Variants in CLEC16A observed in about 807,000 individuals in gnomAD.
The protein encoded by CLEC16A is protein CLEC16A.
Under a neutral mutation model 109.5 loss-of-function variants are expected in CLEC16A, and 51 were observed. The observed-to-expected ratio is 0.47, with a 90% confidence interval of 0.37 to 0.59. The LOEUF (loss-of-function observed/expected upper bound fraction) is 0.59, where lower values mean the gene tolerates loss of function less well. Ranked by LOEUF, CLEC16A falls within the 20% of genes least tolerant of loss-of-function variation. The pLI is 0.00. For synonymous variants in CLEC16A, 673 were observed against 564.2 expected (o/e 1.19, Z -2.73); for missense variants, 1,339 against 1,394.0 (o/e 0.96, Z 0.63).
At chr16:10,984,729 C>T (rs2043524066) in intron 10 of CLEC16A, among the ~76,000 whole-genome samples, 1 of 152,234 alleles carries the variant, frequency 6.6e-6, no homozygotes, top group Admixed American at 6.5e-5. Context: ...CTTTCTTAAA[C>T]TAGCGTTTGC....
chr16:11,016,073 A>G (rs2045726807), intron 11 of CLEC16A, among the ~76,000 whole-genome samples: 1 of 152,230 alleles, frequency 6.6e-6, no homozygotes, highest in African/African-American at 2.4e-5. Context: ...GTAAAAATTT[A>G]TGTATTATAA....
At chr16:11,052,520 G>C (rs953314051) in intron 18 of CLEC16A, among the ~76,000 whole-genome samples, 3 of 152,186 alleles carry the variant, frequency 2.0e-5, no homozygotes, top group African/African-American at 7.2e-5. Flanking sequence ...CAGAGGAAGT[G>C]GGACCCATGT....
chr16:11,098,647 T>G (rs1240983368), intron 19 of CLEC16A, among the ~76,000 whole-genome samples: 3 of 152,202 alleles, frequency 2.0e-5, no homozygotes, highest in Admixed American at 6.5e-5. Context: ...AAATCTGCAC[T>G]TTGTCCCAGT....
Position 11,178,695 on chromosome 16 carries a change from G to A in CLEC16A, c.*5G>A. On this transcript the variant is annotated 3_prime_UTR_variant, in exon 24 of 24. Coordinates refer to ENST00000409790, the MANE Select transcript of CLEC16A (RefSeq NM_015226.3). This position sits in a 1 kb window ranked among gnomAD's most constrained non-coding sequence, Gnocchi z 6.5. Reference sequence around the variant, plus strand: ...GTGGGCACCGCTGAGGACTGAGTCAGTGCCGGGGCCTCCCTTTGTGTGTGT... The same window carrying A: ...GTGGGCACCGCTGAGGACTGAGTCAATGCCGGGGCCTCCCTTTGTGTGTGT... The A allele has an allele frequency of 1.4e-6, 2 of 1,469,176 alleles. No individual in the cohort carries two copies. Among genetic ancestry groups the A allele is most frequent in the Non-Finnish European group, 1.8e-6 (2 of 1,111,654 alleles). The allele number at this position is 1,469,176 out of a possible 1,614,324, so 91.0% of individuals were successfully genotyped here. A position where few individuals can be genotyped will look rare whatever the true frequency, so the allele number is the denominator to read the frequency against.
chr16:11,167,525 C>G (rs2140952391), intron 23 of CLEC16A, among the ~76,000 whole-genome samples: 1 of 152,312 alleles, frequency 6.6e-6, no homozygotes, highest in South Asian at 2.1e-4. Context: ...GGTCACCATC[C>G]TCTCAGCACC....
At chr16:10,946,982 C>G (rs1349556406) in intron 1 of CLEC16A, among the ~76,000 whole-genome samples, 1 of 152,234 alleles carries the variant, frequency 6.6e-6, no homozygotes, top group Non-Finnish European at 1.5e-5. Flanking sequence ...ACACTTTTGA[C>G]TTGGCTGAGT....
intron 19 of CLEC16A, among the ~76,000 whole-genome samples, chr16:11,064,644 G>A (rs191378827): frequency 1.3e-5 from 2 of 152,302 alleles, no homozygotes; most frequent in East Asian, 1.9e-4. Context: ...GGTTGTGGTG[G>A]CAGATACCTG....
intron 19 of CLEC16A, among the ~76,000 whole-genome samples, chr16:11,113,472 A>G (rs935065908): frequency 2.0e-5 from 3 of 152,094 alleles, no homozygotes; most frequent in African/African-American, 7.2e-5. Context: ...CAGCCTGGGC[A>G]ACATGGCACA....
chr16:11,138,273 A>G (rs1200332096), intron 22 of CLEC16A, among the ~76,000 whole-genome samples: 1 of 152,194 alleles, frequency 6.6e-6, no homozygotes, highest in African/African-American at 2.4e-5. Flanking sequence ...CTTGCCAGCT[A>G]GTGGGCTCTG....
chr16:10,965,103 T>G (rs2042438612), intron 3 of CLEC16A, among the ~76,000 whole-genome samples: 1 of 152,202 alleles, frequency 6.6e-6, no homozygotes, highest in Non-Finnish European at 1.5e-5. Context: ...TTTGACTGTC[T>G]TAGATTCTCC....
intron 23 of CLEC16A, among the ~76,000 whole-genome samples, chr16:11,169,136 G>T (rs2068397355): frequency 6.6e-6 from 1 of 152,286 alleles, no homozygotes; most frequent in Middle Eastern, 3.4e-3. Flanking sequence ...GGTTTTTGAG[G>T]GTACAGTGCT....
At chr16:10,987,500 T>A (rs1252948075) in intron 10 of CLEC16A, among the ~76,000 whole-genome samples, 1 of 152,134 alleles carries the variant, frequency 6.6e-6, no homozygotes, top group African/African-American at 2.4e-5. Context: ...CAAACTGCCT[T>A]TGGGATGTAA....
At chr16:11,171,961 C>T (rs2068531541) in intron 23 of CLEC16A, among the ~76,000 whole-genome samples, 2 of 152,070 alleles carry the variant, frequency 1.3e-5, no homozygotes, top group Admixed American at 1.3e-4. Context: ...CATGCATAGT[C>T]ACACTCCCAC....
At chr16:11,093,686 G>A (rs2050443597) in intron 19 of CLEC16A, among the ~76,000 whole-genome samples, 1 of 152,196 alleles carries the variant, frequency 6.6e-6, no homozygotes, top group Non-Finnish European at 1.5e-5. Flanking sequence ...GGTGGAAGAG[G>A]GCAGGGCGTG....
At chr16:11,045,738 A>G (rs1863598797) in intron 16 of CLEC16A, among the ~76,000 whole-genome samples, 1 of 152,186 alleles carries the variant, frequency 6.6e-6, no homozygotes, top group African/African-American at 2.4e-5. Context: ...TGGCTGATGA[A>G]GATCCTCCTA....
rs1016665530 is a variant in CLEC16A, at chr16:11,051,550, C to T, written c.1904C>T (p.Ala635Val). ...AACGTGGAATATCTCATGATGGACG[C>T]CTCCATCCTGCTGCCCCCAACAGGC... is the stretch of plus-strand genomic sequence containing the variant. ...PMNVEYLMMD[A>V]SILLPPTGTP... The change falls in exon 18 of 24, where the codon GCC becomes GTC. Residue 635 changes from alanine to valine, a missense_variant. Physicochemically the swap from Ala to Val is moderately conservative, Grantham distance 64. Coordinates refer to ENST00000409790, the MANE Select transcript of CLEC16A (RefSeq NM_015226.3). The T allele has an allele frequency of 1.2e-6, 2 of 1,614,030 alleles. No individual in the cohort carries two copies. The highest frequency in any genetic ancestry group is 1.7e-5 in the Admixed American group (1 of 60,028).
At chr16:10,962,683 G>A (rs1015556546) in intron 3 of CLEC16A, 95 bp downstream of exon 3, 26 of 1,333,556 alleles carry the variant, frequency 1.9e-5, no homozygotes, top group East Asian at 1.6e-4. Context: ...ACTATTCGTC[G>A]GCTCAGGCTA....
At chr16:11,124,112 T>C (rs1431022296) in intron 21 of CLEC16A, among the ~76,000 whole-genome samples, 166 bp downstream of exon 21, 1 of 152,222 alleles carries the variant, frequency 6.6e-6, no homozygotes, top group Non-Finnish European at 1.5e-5. Flanking sequence ...CCTGGGTGTT[T>C]GGTTTCTGGT....
chr16:11,178,668 C>A lies in CLEC16A; in HGVS notation c.3140C>A (p.Pro1047His). ...PVGEEAACAE[P>H]VGTAED is the part of the protein sequence containing the mutation. ...GGCGAAGAGGCTGCATGTGCTGAGC[C>A]TGTGGGCACCGCTGAGGACTGAGTC... Residue 1047 changes from proline to histidine, a missense_variant, in exon 24 of 24, where the codon CCT (proline) becomes CAT (histidine). Coordinates refer to ENST00000409790, the MANE Select transcript of CLEC16A (RefSeq NM_015226.3). This position sits in a 1 kb window ranked among gnomAD's most constrained non-coding sequence, Gnocchi z 6.5. 1 of 1,530,054 alleles carries A rather than the reference C, an allele frequency of 6.5e-7. No individual in the cohort carries two copies. The highest frequency in any genetic ancestry group is 8.7e-7 in the Non-Finnish European group (1 of 1,143,052). The allele number at this position is 1,530,054 out of a possible 1,614,324, so 94.8% of individuals were successfully genotyped here.
Sources: allele counts gnomAD v4.1 joint callset (sites outside exome capture counted in the v4.1 genomes callset), GRCh38; gene constraint gnomAD v4.1.1; non-coding constraint Gnocchi (gnomAD v3.1); transcripts MANE v1.5; gene names NCBI Gene and HGNC (gene_info 2026-07-23, HGNC 2026-07-21).